Variants in ANKS1A observed in about 807,000 individuals in gnomAD.
ANKS1A encodes ankyrin repeat and SAM domain-containing protein 1A.
In ANKS1A, 55 loss-of-function variants were observed where a neutral mutation model predicts 120.3. The observed-to-expected ratio is 0.46, with a 90% CI of 0.37 to 0.57. ANKS1A has a LOEUF of 0.57. ANKS1A is among the 20% of genes least tolerant of loss of function. ANKS1A has a pLI of 0.00. For synonymous variants in ANKS1A, 590 were observed against 604.7 expected (o/e 0.98, Z 0.36); for missense variants, 1,123 against 1,480.3 (o/e 0.76, Z 3.96).
intron 11 of ANKS1A, chr6:35,039,490 C>G (rs1399234309): frequency 2.3e-5 from 10 of 439,052 alleles, no homozygotes; most frequent in Admixed American, 1.9e-4. Flanking sequence ...AGCCATCACG[C>G]CCAGTCCATC....
At chr6:34,960,974 C>T (rs1770609089) in intron 1 of ANKS1A, among the ~76,000 whole-genome samples, 1 of 152,202 alleles carries the variant, frequency 6.6e-6, no homozygotes, top group Admixed American at 6.5e-5. Flanking sequence ...AGAGCCCAAG[C>T]TCCTAACTTA....
intron 11 of ANKS1A, among the ~76,000 whole-genome samples, chr6:35,037,565 C>T (rs1340504232): frequency 6.6e-6 from 1 of 152,140 alleles, no homozygotes; most frequent in Non-Finnish European, 1.5e-5. Context: ...CTCTGGGAGA[C>T]TCAAATTTAC....
Position 35,054,110 on chromosome 6 carries a change from C to T in ANKS1A, c.2022C>T (p.Ile674=), listed in dbSNP as rs548329297. Residue 674 remains isoleucine, a synonymous_variant, in exon 12 of 24, where the codon ATC becomes ATT. Transcript: ENST00000360359. The part of the protein sequence containing the change: ...FASEWDEIEK[I]MSSIGEGIDF... ...TTCTTCCATTTCAGATTGAGAAAATCATGAGTTCTATTGGAGAAGGGATTG... is the reference window on the plus strand; with the variant it reads ...TTCTTCCATTTCAGATTGAGAAAATTATGAGTTCTATTGGAGAAGGGATTG... 2 of 1,613,858 alleles carry T rather than the reference C, an allele frequency of 1.2e-6. No homozygotes were observed. The highest frequency in any genetic ancestry group is 2.2e-5 in the South Asian group (2 of 91,036).
intron 1 of ANKS1A, among the ~76,000 whole-genome samples, chr6:34,932,665 A>AT (rs941207850): frequency 2.0e-5 from 3 of 152,242 alleles, no homozygotes; most frequent in African/African-American, 7.2e-5. Context: ...GATTACAGGC[A>AT]TGAGCCACCA....
chr6:34,922,013 T>C (rs1012748853), intron 1 of ANKS1A, among the ~76,000 whole-genome samples: 5 of 140,430 alleles, frequency 3.6e-5, no homozygotes, highest in Non-Finnish European at 7.5e-5. Context: ...CTTAATTGAC[T>C]TCCTTTTTTT....
chr6:34,931,682 T>C (rs984477741), intron 1 of ANKS1A, among the ~76,000 whole-genome samples: 7 of 152,278 alleles, frequency 4.6e-5, no homozygotes, highest in African/African-American at 1.4e-4. Flanking sequence ...TTCCAACCAG[T>C]CTAGGGCAAG....
intron 11 of ANKS1A, among the ~76,000 whole-genome samples, chr6:35,033,066 A>C (rs1414298856): frequency 6.6e-6 from 1 of 152,248 alleles, no homozygotes; most frequent in Non-Finnish European, 1.5e-5. Context: ...TAAAGAATGC[A>C]AATAGAATCC....
At chr6:35,048,389 G>A (rs568131662) in intron 11 of ANKS1A, among the ~76,000 whole-genome samples, 1 of 152,148 alleles carries the variant, frequency 6.6e-6, no homozygotes, top group East Asian at 1.9e-4. Flanking sequence ...ATTGTTAGCC[G>A]CCATGTCTGG....
intron 1 of ANKS1A, among the ~76,000 whole-genome samples, chr6:34,963,928 C>T (rs1257237231): frequency 6.6e-6 from 1 of 152,192 alleles, no homozygotes; most frequent in African/African-American, 2.4e-5. Context: ...TGAGAAATGT[C>T]TTTTCAGATC....
rs143579256 is a variant in ANKS1A, at chr6:35,091,141, A to G, written c.*2532A>G. 2.0e-5 allele frequency: 20 copies of G among 985,852 alleles called. No homozygotes were observed. The East Asian group carries it at 1.8e-3, about 89-fold the overall frequency. 61.1% of individuals were successfully genotyped at this position (985,852 alleles called of 1,614,324 possible). A position where few individuals can be genotyped will look rare whatever the true frequency, so the allele number is the denominator to read the frequency against. ...TGGACTGAACTGTAATGAAAATGTT[A>G]TTTAATCTTTGTCTCTGTATTTTGA... On this transcript the variant is annotated 3_prime_UTR_variant, in exon 24 of 24. Transcript: ENST00000360359.
chr6:35,066,194 C>G (rs779744805), intron 13 of ANKS1A, among the ~76,000 whole-genome samples: 1 of 152,214 alleles, frequency 6.6e-6, no homozygotes, highest in Non-Finnish European at 1.5e-5. Flanking sequence ...GACATCGTGT[C>G]AGAGAGCAAA....
chr6:34,950,222 C>CTTTTT (rs747865614), intron 1 of ANKS1A, among the ~76,000 whole-genome samples: 3 of 97,534 alleles, frequency 3.1e-5, no homozygotes, highest in African/African-American at 1.3e-4. Context: ...TCTTTTCTCT[C>CTTTTT]TTTTTTTTTT....
rs1776409855 is a variant in ANKS1A at position 35,060,023 on chromosome 6, T to C, written c.2078-124T>C. ...CTGCTGCTCTCTGGTCTCTTGTATA[T>C]AGTTTGGCTGTTTGATGGTAATGAC... On this transcript the variant is annotated intron_variant, in intron 12 of 23. Coordinates refer to ENST00000360359, the MANE Select transcript of ANKS1A (RefSeq NM_015245.3). The surrounding 1 kb of genome is among the most constrained non-coding windows in gnomAD (Gnocchi z 4.5). The C allele has an allele frequency of 1.4e-6, 1 of 709,874 alleles. No homozygotes were observed. The highest frequency in any genetic ancestry group is 2.5e-6 in the Non-Finnish European group (1 of 405,906). 44.0% of individuals were successfully genotyped at this position (709,874 alleles called of 1,614,324 possible). A position where few individuals can be genotyped will look rare whatever the true frequency, so the allele number is the denominator to read the frequency against.
chr6:34,984,113 CTGAT>C (rs529705379), intron 7 of ANKS1A, among the ~76,000 whole-genome samples: 172 of 152,212 alleles, frequency 1.1e-3, no homozygotes, highest in African/African-American at 4.0e-3. Context: ...TGAGTATCAT[CTGAT>C]TGGTAGGGGG....
chr6:35,075,415 C>CTTTTTT (rs747359283), intron 13 of ANKS1A, among the ~76,000 whole-genome samples: 2 of 129,892 alleles, frequency 1.5e-5, no homozygotes, highest in Non-Finnish European at 3.3e-5. Flanking sequence ...GGTTAATTTT[C>CTTTTTT]TTTTTTTTTT....
At chr6:34,966,425 A>T (rs1488608623) in intron 1 of ANKS1A, among the ~76,000 whole-genome samples, 2 of 152,236 alleles carry the variant, frequency 1.3e-5, no homozygotes, top group African/African-American at 4.8e-5. Flanking sequence ...CAAGTTACAG[A>T]GTATCTACCT....
At chr6:34,990,117 C>A (rs1459181976) in intron 9 of ANKS1A, among the ~76,000 whole-genome samples, 3 of 152,184 alleles carry the variant, frequency 2.0e-5, no homozygotes, top group African/African-American at 7.2e-5. Context: ...ATCACTTTGT[C>A]CCTAGAAGTT....
intron 14 of ANKS1A, among the ~76,000 whole-genome samples, chr6:35,078,987 T>G (rs1777516271): frequency 6.6e-6 from 1 of 152,170 alleles, no homozygotes; most frequent in Non-Finnish European, 1.5e-5. Context: ...ATGGTCTCTC[T>G]GGCTCACTGG....
rs777367435 is a variant in ANKS1A, at chr6:35,083,619, T to TC, written c.2994+120dup. ...TCTCATCTCTTATCTCCCTAGAGGG[T>TC]CCCCAGTCCTCTTATTACTTCCCAC... is the stretch of plus-strand genomic sequence containing the variant. On this transcript the variant is annotated intron_variant, in intron 20 of 23. Transcript: ENST00000360359. 68 of 938,576 alleles carry TC rather than the reference T, an allele frequency of 7.2e-5. 1 individual carries two copies. The African/African-American group carries it at 8.8e-4, about 12-fold the overall frequency. The allele number at this position is 938,576 out of a possible 1,614,324, so 58.1% of individuals were successfully genotyped here.
Sources: gnomAD v4.1 joint callset for allele counts (sites outside exome capture counted in the v4.1 genomes callset) on GRCh38, gnomAD v4.1.1 for gene constraint, Gnocchi (gnomAD v3.1) non-coding constraint, MANE v1.5 for transcripts, NCBI Gene and HGNC (gene_info 2026-07-23, HGNC 2026-07-21) for gene names.